Variants in COG4 observed in about 807,000 individuals in gnomAD.
COG4 encodes component of oligomeric golgi complex 4, also known as conserved oligomeric Golgi complex subunit 4.
COG4 carries 65 observed loss-of-function variants against 95.1 expected under a neutral mutation model. That is an observed-to-expected ratio of 0.68 (90% CI 0.56 to 0.84). The LOEUF is 0.84. Among genes scored for constraint, COG4 ranks in the 40% least tolerant of loss-of-function variants. The pLI, the probability that COG4 is intolerant of heterozygous loss-of-function variation, is 0.00. For missense variants in COG4, 1,045 were observed against 989.1 expected, an observed-to-expected ratio of 1.06 and a Z score of -0.76; for synonymous variants, 421 against 374.8, an observed-to-expected ratio of 1.12 and a Z score of -1.42.
At chr16:70,514,877 T>C (rs1233643228) in intron 3 of COG4, among the ~76,000 whole-genome samples, 4 of 151,424 alleles carry the variant, frequency 2.6e-5, no homozygotes. Context: ...CATGCCTGGC[T>C]AGTTTTTGTA....
In COG4 at chr16:70,523,461, C is replaced by A. The variant is rs1246610468; in HGVS notation, c.83G>T (p.Arg28Leu). ...GAGCTCAGCGGAGATTTCGGAGCAG[C>A]GGCCACCTCCCACCCCCTCAGACGG... The part of the protein sequence containing the change: ...QQPSEGVGGG[R>L]CSEISAELIR... The change falls in exon 1 of 19, where the codon CGC becomes CTC. Residue 28 changes from arginine to leucine, a missense_variant. Arg to Leu is a moderately radical substitution (Grantham distance 102). Transcript: ENST00000323786. 1 of 1,614,058 alleles carries A rather than the reference C, an allele frequency of 6.2e-7. No homozygotes were observed. The highest frequency in any genetic ancestry group is 1.7e-5 in the Admixed American group (1 of 60,004).
chr16:70,482,120 T>A lies in COG4; in HGVS notation c.1976A>T (p.Asn659Ile). ...NDPWVQQFILNLEQQMAEFKA... is the reference protein window; with the variant it reads ...NDPWVQQFILILEQQMAEFKA... ...GAACTCTGCCATTTGCTGCTCCAGG[T>A]TAAGGATGAACTGTTGTACCCAAGG... The change falls in exon 16 of 19, where the codon AAC (asparagine) becomes ATC (isoleucine). Residue 659 changes from asparagine (N) to isoleucine (I), a missense_variant. Coordinates refer to ENST00000323786, the MANE Select transcript of COG4 (RefSeq NM_015386.3). The A allele has an allele frequency of 1.2e-6, 2 of 1,614,032 alleles. No homozygotes were observed. Among genetic ancestry groups the A allele is most frequent in the Non-Finnish European group, 1.7e-6 (2 of 1,179,946 alleles).
intron 14 of COG4, 101 bp from the exon 15 acceptor site, chr16:70,482,922 T>TGAC (rs2049031311): frequency 1.2e-6 from 1 of 816,654 alleles, no homozygotes; most frequent in African/African-American, 1.8e-5. Flanking sequence ...CCCCATCCCT[T>TGAC]TCCTCTCCTC....
At chr16:70,482,050 C>T (rs750175244) in intron 16 of COG4, 42 bp downstream of exon 16, 17 of 1,535,346 alleles carry the variant, frequency 1.1e-5, no homozygotes, top group East Asian at 6.7e-5. Context: ...TTTGGGCTGA[C>T]GTGGGTAATT....
In COG4 at chr16:70,482,272, T is replaced by A. The variant is rs1391756809; in HGVS notation, c.1921-97A>T. Reference sequence around the variant, plus strand: ...CCCTCTAAGAAAATAATGTAAAACATTCTTCCTTCCCTGTGCCTTCTGACT... The same window carrying A: ...CCCTCTAAGAAAATAATGTAAAACAATCTTCCTTCCCTGTGCCTTCTGACT... On this transcript the variant is annotated intron_variant, in intron 15 of 18. Transcript: ENST00000323786. The A allele has an allele frequency of 7.1e-6, 6 of 847,858 alleles. No homozygotes were observed. In the African/African-American group the frequency reaches 8.3e-5, roughly 12 times the overall value. The allele number at this position is 847,858 out of a possible 1,614,324, so 52.5% of individuals were successfully genotyped here.
rs752519787 is a variant in COG4 at position 70,484,006 on chromosome 16, C to A, written c.1711-37G>T. The A allele has an allele frequency of 3.4e-6, 5 of 1,476,200 alleles. No homozygotes were observed. The South Asian group carries it at 5.6e-5, about 17-fold the overall frequency. 91.4% of individuals were successfully genotyped at this position (1,476,200 alleles called of 1,614,324 possible). On this transcript the variant is annotated intron_variant, in intron 13 of 18. Transcript: ENST00000323786. ...CACTGCTGTAAGACCACCGAGCACG[C>A]GTGGGCCATGGGAGTGTGAGGAGCC...
At chr16:70,484,402 C>T (rs770734932) in intron 13 of COG4, among the ~76,000 whole-genome samples, 11 of 152,208 alleles carry the variant, frequency 7.2e-5, no homozygotes, top group Admixed American at 4.6e-4. Flanking sequence ...GAGACACTAG[C>T]TATTATTGCT....
chr16:70,482,052 T>A lies in COG4; in HGVS notation c.2004+40A>T, dbSNP rs200667711. The A allele has an allele frequency of 8.8e-4, 1,356 of 1,545,482 alleles. 4 individuals are homozygous for A. The highest frequency in any genetic ancestry group is 1.1e-3 in the Non-Finnish European group (1,231 of 1,117,436). ...TGCAGGCTGCTGGTTTGGGCTGACGTGGGTAATTCCCTAAGTGGATCCCTA... is the reference window on the plus strand; with the variant it reads ...TGCAGGCTGCTGGTTTGGGCTGACGAGGGTAATTCCCTAAGTGGATCCCTA... On this transcript the variant is annotated intron_variant, in intron 16 of 18. Transcript: ENST00000323786.
chr16:70,485,974 C>A (rs1156919460), intron 13 of COG4, among the ~76,000 whole-genome samples: 2 of 151,124 alleles, frequency 1.3e-5, no homozygotes, highest in Admixed American at 1.3e-4. Flanking sequence ...CGGTTCACTG[C>A]AAGCTCCGCC....
In COG4 at chr16:70,481,840, T is replaced by C. The variant is rs201323781; in HGVS notation, c.2030A>G (p.Asp677Gly). Residue 677 changes from aspartate (D) to glycine (G), a missense_variant, in exon 17 of 19, where the codon GAC becomes GGC. Asp to Gly is a moderately conservative substitution (Grantham distance 94, BLOSUM62 -1). Transcript: ENST00000323786. Reference sequence around the variant, plus strand: ...GCTAGTCATGAGGCCGGTTAGGCTGTCGTAGATGACCGGGGACAGGCTGGC... The same window carrying C: ...GCTAGTCATGAGGCCGGTTAGGCTGCCGTAGATGACCGGGGACAGGCTGGC... ...FKASLSPVIY[D>G]SLTGLMTSLV... 2.0e-4 allele frequency: 329 copies of C among 1,613,822 alleles called. No homozygotes were observed. Among genetic ancestry groups the C allele is most frequent in the Admixed American group, 5.5e-4 (33 of 59,994 alleles).
chr16:70,507,554 T>C (rs2049604164), intron 8 of COG4, among the ~76,000 whole-genome samples: 1 of 152,106 alleles, frequency 6.6e-6, no homozygotes, highest in African/African-American at 2.4e-5. Flanking sequence ...TAATGATGTA[T>C]TTCTCAGAAT....
At position 70,483,835 on chromosome 16, in the gene COG4, G is replaced by C. The variant is rs2049066159; in HGVS notation, c.1827+18C>G. 1.3e-6 allele frequency: 2 copies of C among 1,568,344 alleles called. No individual in the cohort carries two copies. The highest frequency in any genetic ancestry group is 1.3e-5 in the African/African-American group (1 of 74,152). The stretch of plus-strand genomic sequence containing the variant: ...ACACAGGCACAGGATTCAGTCAGCA[G>C]TTGAACCTGGGGCTTACCTGCAAGA... On this transcript the variant is annotated intron_variant, in intron 14 of 18. Transcript: ENST00000323786.
At chr16:70,516,047 C>G (rs11862417) in intron 3 of COG4, 11 of 455,792 alleles carry the variant, frequency 2.4e-5, no homozygotes, top group Non-Finnish European at 4.4e-5. Context: ...GTTTCTACCA[C>G]GAAAGGATAT....
intron 9 of COG4, 45 bp from the exon 10 acceptor site, chr16:70,498,100 G>A (rs1265961309): frequency 4.1e-6 from 5 of 1,233,256 alleles, no homozygotes; most frequent in Non-Finnish European, 6.0e-6. Context: ...TTTCCCCAAG[G>A]GAAACAGAGC....
intron 13 of COG4, among the ~76,000 whole-genome samples, chr16:70,485,141 A>G (rs2049100604): frequency 6.6e-6 from 1 of 151,588 alleles, no homozygotes. Flanking sequence ...AGGCCAAGGT[A>G]GGAGGATTGC....
chr16:70,495,469 T>G (rs191467780), intron 12 of COG4, among the ~76,000 whole-genome samples: 100 of 151,976 alleles, frequency 6.6e-4, no homozygotes, highest in Middle Eastern at 3.4e-3. Context: ...TGTGAACATT[T>G]TTGCGTCCAA....
intron 9 of COG4, among the ~76,000 whole-genome samples, chr16:70,500,528 T>C (rs2049427725): frequency 1.3e-5 from 2 of 151,892 alleles, no homozygotes; most frequent in South Asian, 4.2e-4. Flanking sequence ...GCTCAGCTAA[T>C]TTTTGTATTT....
intron 8 of COG4, among the ~76,000 whole-genome samples, chr16:70,507,951 C>T (rs112049554): frequency 0.088 from 13,394 of 151,680 alleles, 1,915 homozygotes; most frequent in African/African-American, 0.3. Flanking sequence ...GACAGAGTCT[C>T]GCTCTGTAAC....
chr16:70,511,055 G>A (rs1454432504), intron 5 of COG4, among the ~76,000 whole-genome samples: 3 of 152,138 alleles, frequency 2.0e-5, no homozygotes, highest in African/African-American at 7.2e-5. Flanking sequence ...GTGAGTCACC[G>A]CGCCTGGCCT....
Sources: gnomAD v4.1 joint callset for allele counts (sites outside exome capture counted in the v4.1 genomes callset) on GRCh38, gnomAD v4.1.1 for gene constraint, MANE v1.5 for transcripts, NCBI Gene and HGNC (gene_info 2026-07-23, HGNC 2026-07-21) for gene names.